Variants in HS3ST2 observed in about 807,000 individuals in gnomAD.
The protein encoded by HS3ST2 is heparan sulfate glucosamine 3-O-sulfotransferase 2.
Under a neutral mutation model 26.3 loss-of-function variants are expected in HS3ST2, and 17 were observed. The ratio of observed to expected loss-of-function variants is 0.65; its 90% CI spans 0.44 to 0.97. HS3ST2 has a LOEUF of 0.97. Ranked by LOEUF, HS3ST2 falls within the 50% of genes least tolerant of loss-of-function variation. The pLI is 0.00. For missense variants in HS3ST2, 402 were observed against 501.2 expected (o/e 0.80, Z 1.89); for synonymous variants, 237 against 219.2 (o/e 1.08, Z -0.72).
chr16:22,903,863 C>A (rs1243045373), intron 1 of HS3ST2, among the ~76,000 whole-genome samples: 2 of 152,246 alleles, frequency 1.3e-5, no homozygotes, highest in Middle Eastern at 3.4e-3. Context: ...ACAGCATTAC[C>A]CTTTCTTCTC....
chr16:22,894,268 C>T (rs1424091225), intron 1 of HS3ST2, among the ~76,000 whole-genome samples: 3 of 152,190 alleles, frequency 2.0e-5, no homozygotes, highest in African/African-American at 7.2e-5. Context: ...CCCCGTTCTT[C>T]TCTGTTCCCT....
intron 1 of HS3ST2, among the ~76,000 whole-genome samples, chr16:22,893,634 C>CTTTTTTTTTTTTTTTTTTTTT (rs56664558): frequency 2.1e-4 from 27 of 130,160 alleles, no homozygotes; most frequent in East Asian, 4.4e-4. Context: ...TTTTTCTTTT[C>CTTTTTTTTTTTTTTTTTTTTT]TTTTTTTTTT....
At chr16:22,843,899 G>A (rs1391985162) in intron 1 of HS3ST2, among the ~76,000 whole-genome samples, 2 of 149,146 alleles carry the variant, frequency 1.3e-5, no homozygotes, top group African/African-American at 4.9e-5. Flanking sequence ...AGGCAAGAAA[G>A]GAAGGCAAGA....
At chr16:22,826,249 G>A (rs1008390143) in intron 1 of HS3ST2, among the ~76,000 whole-genome samples, 5 of 152,150 alleles carry the variant, frequency 3.3e-5, no homozygotes, top group South Asian at 4.1e-4. Context: ...CCCCCACCCA[G>A]GGTGGGCCAA....
rs761370570 is a variant in HS3ST2, at chr16:22,814,881, G to A, written c.271G>A (p.Ala91Thr). Reference sequence around the variant, plus strand: ...GCCCAGCGCTCCCAGCGCGCCCGCCGCCGCCGTGCCCGCCCCTCGCCTCTC... The same window carrying A: ...GCCCAGCGCTCCCAGCGCGCCCGCCACCGCCGTGCCCGCCCCTCGCCTCTC... ...SEPSAPSAPA[A>T]AVPAPRLSGS... Residue 91 changes from alanine to threonine, a missense_variant, in exon 1 of 2, where the codon GCC (alanine) becomes ACC (threonine). By Grantham distance (58) the Ala-to-Thr change is moderately conservative. Transcript: ENST00000261374. 2 of 1,560,172 alleles carry A rather than the reference G, an allele frequency of 1.3e-6. No individual in the cohort carries two copies. The highest frequency in any genetic ancestry group is 1.9e-5 in the Admixed American group (1 of 51,782).
chr16:22,868,658 C>T (rs1028753094), intron 1 of HS3ST2, among the ~76,000 whole-genome samples: 1 of 152,080 alleles, frequency 6.6e-6, no homozygotes, highest in Non-Finnish European at 1.5e-5. Context: ...AAGATAAATT[C>T]ATCCATGACC....
rs1054130795 is a variant in HS3ST2, at chr16:22,915,244, G to A, written c.786G>A (p.Gln262=). The change falls in exon 2 of 2, where the codon CAG becomes CAA. Residue 262 remains glutamine (Q), a synonymous_variant. Coordinates refer to ENST00000261374, the MANE Select transcript of HS3ST2 (RefSeq NM_006043.2). ...MYVLHLESWL[Q]YFPLAQIHFV... is the part of the protein sequence containing the mutation. ...TGCTGCACCTGGAGAGCTGGCTGCAGTACTTCCCGCTAGCTCAGATTCACT... is the reference window on the plus strand; with the variant it reads ...TGCTGCACCTGGAGAGCTGGCTGCAATACTTCCCGCTAGCTCAGATTCACT... The A allele has an allele frequency of 3.1e-6, 5 of 1,614,040 alleles. No homozygotes were observed. Among genetic ancestry groups the A allele is most frequent in the Non-Finnish European group, 4.2e-6 (5 of 1,180,038 alleles).
At chr16:22,911,390 G>A (rs906416255) in intron 1 of HS3ST2, among the ~76,000 whole-genome samples, 1 of 152,196 alleles carries the variant, frequency 6.6e-6, no homozygotes, top group Non-Finnish European at 1.5e-5. Context: ...AGAAGTTTGA[G>A]ACTGTGGAAA....
intron 1 of HS3ST2, among the ~76,000 whole-genome samples, chr16:22,902,222 A>G (rs1237727905): frequency 6.6e-6 from 1 of 152,192 alleles, no homozygotes; most frequent in Non-Finnish European, 1.5e-5. Context: ...TCATTTCTTG[A>G]CAGCCAGATC....
intron 1 of HS3ST2, among the ~76,000 whole-genome samples, chr16:22,836,008 T>C (rs1278189889): frequency 4.0e-5 from 6 of 151,724 alleles, no homozygotes; most frequent in African/African-American, 1.2e-4. Flanking sequence ...AATCCAAGAC[T>C]TATTCTTTGA....
At chr16:22,884,669 T>C in intron 1 of HS3ST2, among the ~76,000 whole-genome samples, 1 of 139,928 alleles carries the variant, frequency 7.1e-6, no homozygotes, top group Non-Finnish European at 1.6e-5. Context: ...AATATATATA[T>C]ATATATATTA....
At chr16:22,892,639 C>T (rs1596628454) in intron 1 of HS3ST2, among the ~76,000 whole-genome samples, 2 of 152,098 alleles carry the variant, frequency 1.3e-5, no homozygotes, top group East Asian at 1.9e-4. Context: ...CTAAGTTAAG[C>T]ATCCTTATCC....
chr16:22,867,978 G>C (rs1567492186), intron 1 of HS3ST2, among the ~76,000 whole-genome samples: 1 of 152,150 alleles, frequency 6.6e-6, no homozygotes, highest in Non-Finnish European at 1.5e-5. Flanking sequence ...AACTAATACA[G>C]AATATTATCC....
chr16:22,886,586 C>T lies in HS3ST2; in HGVS notation c.486-28358C>T, dbSNP rs141789133. 1.7e-4 allele frequency among the ~76,000 whole-genome samples: 26 copies of T among 152,286 alleles called. No individual in the cohort carries two copies. In the East Asian group the frequency reaches 5.0e-3, roughly 29 times the overall value. ...TTGGCCAGAAAACAACTTAGCACAA[C>T]TCTAAGTAGCGGGCCTGACATAATT... On this transcript the variant is annotated intron_variant, in intron 1 of 1. Transcript: ENST00000261374.
chr16:22,871,561 A>G (rs1217021131), intron 1 of HS3ST2, among the ~76,000 whole-genome samples: 2 of 152,144 alleles, frequency 1.3e-5, no homozygotes, highest in Non-Finnish European at 2.9e-5. Context: ...TAAGTTGACA[A>G]TCATCTATAC....
chr16:22,825,253 A>G (rs460147), intron 1 of HS3ST2, among the ~76,000 whole-genome samples: 21,917 of 152,174 alleles, frequency 0.14, 1,710 homozygotes, highest in East Asian at 0.22. Flanking sequence ...GTTGCTGTGA[A>G]GATTCAATGA....
At chr16:22,822,346 T>C (rs1334012377) in intron 1 of HS3ST2, among the ~76,000 whole-genome samples, 3 of 152,088 alleles carry the variant, frequency 2.0e-5, no homozygotes, top group Admixed American at 1.3e-4. Context: ...TTAAAATCCT[T>C]TGTTAGAGCC....
At position 22,912,960 on chromosome 16, in the gene HS3ST2, C is replaced by A. The variant is rs578129109; in HGVS notation, c.486-1984C>A. Among the ~76,000 whole-genome samples the A allele has an allele frequency of 9.2e-5, 14 of 152,152 alleles. No individual in the cohort carries two copies. In the South Asian group the frequency reaches 2.9e-3, roughly 32 times the overall value. ...TCCGGAGTCTAGACCCGCCTCCTACCTCATTAGGATTGGGAAAGGTGTTTC... is the reference window on the plus strand; with the variant it reads ...TCCGGAGTCTAGACCCGCCTCCTACATCATTAGGATTGGGAAAGGTGTTTC... On this transcript the variant is annotated intron_variant, in intron 1 of 1. Coordinates refer to ENST00000261374, the MANE Select transcript of HS3ST2 (RefSeq NM_006043.2).
chr16:22,893,843 A>C (rs910679207), intron 1 of HS3ST2, among the ~76,000 whole-genome samples: 1 of 152,076 alleles, frequency 6.6e-6, no homozygotes, highest in Admixed American at 6.6e-5. Flanking sequence ...ACTGGAGTGC[A>C]GGGACACGAT....
Sources: gnomAD v4.1 joint callset for allele counts (sites outside exome capture counted in the v4.1 genomes callset) on GRCh38, gnomAD v4.1.1 for gene constraint, MANE v1.5 for transcripts, NCBI Gene and HGNC (gene_info 2026-07-23, HGNC 2026-07-21) for gene names.